FGD4: variants seen among roughly 807,000 people sequenced by gnomAD.
The protein encoded by FGD4 is FYVE, RhoGEF and PH domain containing 4.
Under a neutral mutation model 102.0 loss-of-function variants are expected in FGD4, and 42 were observed. The observed-to-expected ratio is 0.41, with a 90% CI of 0.32 to 0.53. FGD4 has a LOEUF of 0.53. Among genes scored for constraint, FGD4 ranks in the 20% least tolerant of loss-of-function variants. The pLI is 0.21. For missense variants in FGD4, 902 were observed against 1,078.2 expected (o/e 0.84, Z 2.29); for synonymous variants, 380 against 375.7 (o/e 1.01, Z -0.13).
intron 1 of FGD4, among the ~76,000 whole-genome samples, chr12:32,535,581 A>G (rs982847989): frequency 6.6e-6 from 1 of 152,082 alleles, no homozygotes; most frequent in Non-Finnish European, 1.5e-5. Flanking sequence ...ACTCTTGCAT[A>G]AAGTTTGGAG....
At chr12:32,614,931 A>C (rs1592413396) in intron 10 of FGD4, among the ~76,000 whole-genome samples, 2 of 152,338 alleles carry the variant, frequency 1.3e-5, no homozygotes, top group East Asian at 3.9e-4. Flanking sequence ...TGTTTTTAAA[A>C]GAATTTGGTT....
At position 32,595,665 on chromosome 12, in the gene FGD4, C is replaced by T. The variant is rs139782235; in HGVS notation, c.1012-2832C>T. 4.0e-3 allele frequency among the ~76,000 whole-genome samples: 611 copies of T among 152,254 alleles called. 3 individuals carry two copies. The highest frequency in any genetic ancestry group is 0.014 in the African/African-American group (591 of 41,534). On this transcript the variant is annotated intron_variant, in intron 4 of 16. Transcript: ENST00000534526. ...ACTGACTGTATAGTAGTAATATATA[C>T]ACTAACCCAATCTGGATACTATTAA...
intron 10 of FGD4, among the ~76,000 whole-genome samples, chr12:32,614,566 C>G (rs12312968): frequency 6.6e-6 from 1 of 152,086 alleles, no homozygotes; most frequent in Non-Finnish European, 1.5e-5. Flanking sequence ...GAAAGCTTCT[C>G]CAAAGAGTCC....
intron 4 of FGD4, among the ~76,000 whole-genome samples, chr12:32,588,889 A>G (rs1430692150): frequency 6.6e-6 from 1 of 152,176 alleles, no homozygotes; most frequent in Non-Finnish European, 1.5e-5. Flanking sequence ...GTGTGAGAGA[A>G]ATGGAAAGCT....
intron 1 of FGD4, among the ~76,000 whole-genome samples, chr12:32,481,127 C>CAAAAAAAAAA (rs1157108520): frequency 0.012 from 332 of 27,360 alleles, 103 homozygotes; most frequent in Middle Eastern, 0.091. Context: ...GACTCCGTCT[C>CAAAAAAAAAA]AAAAAAAAAA....
In FGD4 at chr12:32,599,448, C is replaced by T. The variant is rs1347466719; in HGVS notation, c.1101+862C>T. 3.0e-5 allele frequency among the ~76,000 whole-genome samples: 3 copies of T among 99,920 alleles called. 1 individual carries two copies. The highest frequency in any genetic ancestry group is 1.9e-5 in the Non-Finnish European group (1 of 53,702). The allele number at this position is 99,920 out of a possible 152,430, so 65.6% of individuals were successfully genotyped here. ...GGCGGAGCTTGCAGTGAGCCGAGAT[C>T]GCGCCACTAGCACTCCAGCCTGGGT... On this transcript the variant is annotated intron_variant, in intron 5 of 16. Coordinates refer to ENST00000534526, the MANE Select transcript of FGD4 (RefSeq NM_001370298.3).
chr12:32,563,100 C>A (rs1025045970), intron 1 of FGD4, among the ~76,000 whole-genome samples: 3 of 150,796 alleles, frequency 2.0e-5, no homozygotes, highest in African/African-American at 7.3e-5. Flanking sequence ...GGCTGACCCC[C>A]CCCACCTCCC....
chr12:32,602,173 T>G lies in FGD4; in HGVS notation c.1260T>G (p.Pro420=), dbSNP rs1035911982. Residue 420 remains proline (P), a synonymous_variant, in exon 7 of 17, where the codon CCT becomes CCG. Transcript: ENST00000534526. Reference sequence around the variant, plus strand: ...ATATTTGATACAGGGAAACTACTCCTAGAATTGGAGACATCCTTCAGAAAT... The same window carrying G: ...ATATTTGATACAGGGAAACTACTCCGAGAATTGGAGACATCCTTCAGAAAT... The part of the protein sequence containing the change: ...EKRMQEWETT[P]RIGDILQKLA... The G allele has an allele frequency of 6.2e-7, 1 of 1,614,030 alleles. No homozygotes were observed. The highest frequency in any genetic ancestry group is 2.2e-5 in the East Asian group (1 of 44,858).
At chr12:32,632,713 A>AT (rs372972257) in intron 14 of FGD4, among the ~76,000 whole-genome samples, 84 of 123,830 alleles carry the variant, frequency 6.8e-4, no homozygotes, top group South Asian at 1.5e-3. Context: ...TTATTTATTT[A>AT]TTTTTTTTTT....
In FGD4 at chr12:32,399,689, C is replaced by T. The variant is rs2136371031; in HGVS notation, c.-105C>T. The T allele has an allele frequency of 2.1e-6, 3 of 1,462,294 alleles. No homozygotes were observed. The highest frequency in any genetic ancestry group is 9.0e-7 in the Non-Finnish European group (1 of 1,117,268). 90.6% of individuals were successfully genotyped at this position (1,462,294 alleles called of 1,614,324 possible). ...AGGAGACGCCGCAGTAGAGGGCGCCCCCGGAGTCGCGCCGAACCTGGGCAT... is the reference window on the plus strand; with the variant it reads ...AGGAGACGCCGCAGTAGAGGGCGCCTCCGGAGTCGCGCCGAACCTGGGCAT... On this transcript the variant is annotated 5_prime_UTR_variant, in exon 1 of 17. Coordinates refer to ENST00000534526, the MANE Select transcript of FGD4 (RefSeq NM_001370298.3).
At chr12:32,494,374 A>G (rs1189274342) in intron 1 of FGD4, among the ~76,000 whole-genome samples, 1 of 152,182 alleles carries the variant, frequency 6.6e-6, no homozygotes, top group African/African-American at 2.4e-5. Flanking sequence ...GGACCAATTT[A>G]TGAGGGATGG....
intron 1 of FGD4, among the ~76,000 whole-genome samples, chr12:32,451,944 G>A (rs764620368): frequency 1.2e-4 from 18 of 148,860 alleles, no homozygotes; most frequent in Non-Finnish European, 1.8e-4. Context: ...CTATGTTCCC[G>A]TGGAGATCCT....
chr12:32,617,591 G>C (rs553344612), intron 10 of FGD4, among the ~76,000 whole-genome samples: 1 of 152,164 alleles, frequency 6.6e-6, no homozygotes, highest in Non-Finnish European at 1.5e-5. Context: ...AAATTGCCTC[G>C]CTAGTCTGAG....
chr12:32,461,275 C>A (rs887285190), intron 1 of FGD4, among the ~76,000 whole-genome samples: 2 of 152,110 alleles, frequency 1.3e-5, no homozygotes, highest in African/African-American at 4.8e-5. Flanking sequence ...ACAAAATTTT[C>A]TGATTTTTCT....
intron 4 of FGD4, among the ~76,000 whole-genome samples, chr12:32,597,004 A>G (rs1221272755): frequency 6.6e-6 from 1 of 152,226 alleles, no homozygotes; most frequent in Non-Finnish European, 1.5e-5. Context: ...TTCTCAGAGC[A>G]GAAATCTTCG....
In FGD4 at chr12:32,550,929, G is replaced by A. The variant is rs148877727; in HGVS notation, c.167-13208G>A. Among the ~76,000 whole-genome samples, 561 of 152,180 alleles carry A rather than the reference G, an allele frequency of 3.7e-3. 3 individuals carry two copies. The highest frequency in any genetic ancestry group is 0.013 in the African/African-American group (544 of 41,518). Reference sequence around the variant, plus strand: ...AATTACCTGCAGTAAATTCAGCTGCGTATCGGTTGTTAGGCATTTTATCAT... The same window carrying A: ...AATTACCTGCAGTAAATTCAGCTGCATATCGGTTGTTAGGCATTTTATCAT... On this transcript the variant is annotated intron_variant, in intron 1 of 16. Coordinates refer to ENST00000534526, the MANE Select transcript of FGD4 (RefSeq NM_001370298.3).
intron 1 of FGD4, among the ~76,000 whole-genome samples, chr12:32,480,155 G>GTTTT (rs369473990): frequency 6.7e-6 from 1 of 148,508 alleles, no homozygotes; most frequent in Non-Finnish European, 1.5e-5. Flanking sequence ...TGTTTGTGGG[G>GTTTT]GTTTTTTTTG....
intron 1 of FGD4, among the ~76,000 whole-genome samples, chr12:32,424,570 C>A (rs995129180): frequency 2.0e-5 from 3 of 152,058 alleles, no homozygotes; most frequent in Non-Finnish European, 4.4e-5. Context: ...ATTTATAATC[C>A]TTTGGGTATA....
At position 32,399,953 on chromosome 12, in the gene FGD4, G is replaced by A. The variant is rs1269334458; in HGVS notation, c.160G>A (p.Ala54Thr). ...CTTCAAGGGCCAGGTGCCCTCAGGA[G>A]CCACAGGTAAGCGCCTCGGGGCGCG... is the stretch of plus-strand genomic sequence containing the variant. ...AAFKGQVPSG[A>T]TGSSTCPKIA... The change falls in exon 1 of 17, where the codon GCC (alanine) becomes ACC (threonine). Residue 54 changes from alanine (A) to threonine (T), a missense_variant. By Grantham distance (58) the Ala-to-Thr change is moderately conservative (BLOSUM62 0). Coordinates refer to ENST00000534526, the MANE Select transcript of FGD4 (RefSeq NM_001370298.3). The A allele has an allele frequency of 2.0e-6, 3 of 1,482,154 alleles. No homozygotes were observed. Among genetic ancestry groups the A allele is most frequent in the African/African-American group, 2.9e-5 (2 of 68,406 alleles). 91.8% of individuals were successfully genotyped at this position (1,482,154 alleles called of 1,614,324 possible). A position where few individuals can be genotyped will look rare whatever the true frequency, so the allele number is the denominator to read the frequency against.
Sources: allele counts gnomAD v4.1 joint callset (sites outside exome capture counted in the v4.1 genomes callset), GRCh38; gene constraint gnomAD v4.1.1; transcripts MANE v1.5; gene names NCBI Gene and HGNC (gene_info 2026-07-23, HGNC 2026-07-21).